Variants in STAT5A observed in about 807,000 individuals in gnomAD.
STAT5A encodes epididymis secretory sperm binding protein.
In STAT5A, 26 loss-of-function variants were observed where a neutral mutation model predicts 100.2. The ratio of observed to expected loss-of-function variants is 0.26; its 90% CI spans 0.19 to 0.36. The LOEUF (loss-of-function observed/expected upper bound fraction) is 0.36. Ranked by LOEUF, STAT5A falls within the 10% of genes least tolerant of loss-of-function variation. The pLI is 1.00. For missense variants in STAT5A, 634 were observed against 1,027.5 expected, an observed-to-expected ratio of 0.62 and a Z score of 5.24; for synonymous variants, 330 against 424.3, an observed-to-expected ratio of 0.78 and a Z score of 2.73.
rs1300485301 is a variant in STAT5A, at chr17:42,295,674, T to A, written c.431T>A (p.Ile144Asn). 2 of 1,613,956 alleles carry A rather than the reference T, an allele frequency of 1.2e-6. No individual in the cohort carries two copies. Among genetic ancestry groups the A allele is most frequent in the Non-Finnish European group, 1.7e-6 (2 of 1,179,964 alleles). The change falls in exon 5 of 19, where the codon ATC (isoleucine) becomes AAC (asparagine). Residue 144 changes from isoleucine (I) to asparagine (N), a missense_variant. By Grantham distance (149) the Ile-to-Asn change is moderately radical (BLOSUM62 -3). Coordinates refer to ENST00000590949, the MANE Select transcript of STAT5A (RefSeq NM_001288718.2). ...VDAMSQKHLQ[I>N]NQTFEELRLV... Reference sequence around the variant, plus strand: ...GCCATGTCCCAGAAGCACCTTCAGATCAACCAGACATTTGAGGAGCTGCGA... The same window carrying A: ...GCCATGTCCCAGAAGCACCTTCAGAACAACCAGACATTTGAGGAGCTGCGA...
At chr17:42,302,611 A>C (rs1163522065) in intron 9 of STAT5A, among the ~76,000 whole-genome samples, 1 of 152,222 alleles carries the variant, frequency 6.6e-6, no homozygotes, top group Non-Finnish European at 1.5e-5. Flanking sequence ...TGTGGAAGAC[A>C]TGGCCCCATC....
intron 4 of STAT5A, among the ~76,000 whole-genome samples, chr17:42,292,628 AC>A (rs1230664965): frequency 7.4e-6 from 1 of 134,922 alleles, no homozygotes; most frequent in African/African-American, 2.8e-5. Context: ...CTTGGCGCCT[AC>A]TGTTTTTTCC....
chr17:42,295,569 C>G, intron 4 of STAT5A, 50 bp from the exon 5 acceptor site: 1 of 1,579,276 alleles, frequency 6.3e-7, no homozygotes, highest in Non-Finnish European at 8.6e-7. Context: ...TGCCTGTGGT[C>G]TTCTCCCATC....
chr17:42,290,923 G>C (rs142543856), intron 3 of STAT5A, among the ~76,000 whole-genome samples: 1 of 152,298 alleles, frequency 6.6e-6, no homozygotes, highest in East Asian at 1.9e-4. Flanking sequence ...CCATGGACCG[G>C]GATTGGGCAG....
In STAT5A at chr17:42,309,453, C is replaced by A; in HGVS notation, c.2191C>A (p.Pro731Thr). 1 of 1,613,992 alleles carries A rather than the reference C, an allele frequency of 6.2e-7. No individual in the cohort carries two copies. The highest frequency in any genetic ancestry group is 8.5e-7 in the Non-Finnish European group (1 of 1,179,982). The change falls in exon 18 of 19, where the codon CCC becomes ACC. Residue 731 changes from proline to threonine, a missense_variant. Pro to Thr is a conservative substitution (Grantham distance 38). Around this residue, in one of 5 missense-constraint regions of STAT5A, gnomAD observed 88 missense variants for 95.1 expected, o/e 0.92. Transcript: ENST00000590949. The part of the protein sequence containing the change: ...MDQAPSPAVC[P>T]QAPYNMYPQN... ...CCAGGCCCCCTCCCCAGCTGTGTGCCCCCAGGCTCCCTATAACATGTACCC... is the reference window on the plus strand; with the variant it reads ...CCAGGCCCCCTCCCCAGCTGTGTGCACCCAGGCTCCCTATAACATGTACCC...
chr17:42,287,841 C>T (rs185420143), upstream of STAT5A: 1 of 152,322 alleles, frequency 6.6e-6, no homozygotes, highest in African/African-American at 2.4e-5. Flanking sequence ...AAGATTCTTT[C>T]CAGTTCCTCC....
chr17:42,301,123 C>T, intron 8 of STAT5A, 152 bp from the exon 9 acceptor site: 1 of 1,384,408 alleles, frequency 7.2e-7, no homozygotes, highest in African/African-American at 1.4e-5. Context: ...TCTCCCTGGA[C>T]TCTCACAGCT....
At chr17:42,299,382 C>A (rs2080952255) in intron 5 of STAT5A, among the ~76,000 whole-genome samples, 1 of 152,218 alleles carries the variant, frequency 6.6e-6, no homozygotes, top group African/African-American at 2.4e-5. Flanking sequence ...CCCAGGTTCA[C>A]CTGCAGTCAA....
intron 4 of STAT5A, among the ~76,000 whole-genome samples, chr17:42,293,464 C>T (rs1049460654): frequency 1.2e-4 from 18 of 152,220 alleles, no homozygotes; most frequent in African/African-American, 3.6e-4. Context: ...CTCGGCCTCC[C>T]GAAGTGCTGG....
At position 42,307,855 on chromosome 17, in the gene STAT5A, G is replaced by A; in HGVS notation, c.1906+132G>A. 3 of 1,324,620 alleles carry A rather than the reference G, an allele frequency of 2.3e-6. No homozygotes were observed. In the South Asian group the frequency reaches 4.4e-5, roughly 19 times the overall value. The allele number at this position is 1,324,620 out of a possible 1,614,324, so 82.1% of individuals were successfully genotyped here. ...GGGAAGCTTAGTATGAGAGGGCTGT[G>A]GCTTGGAAATGTATTCTCTTTCTAT... On this transcript the variant is annotated intron_variant, in intron 15 of 18. Coordinates refer to ENST00000590949, the MANE Select transcript of STAT5A (RefSeq NM_001288718.2).
At chr17:42,296,960 A>G (rs117941719) in intron 5 of STAT5A, among the ~76,000 whole-genome samples, 7,317 of 150,866 alleles carry the variant, frequency 0.049, 208 homozygotes, top group Non-Finnish European at 0.064. Context: ...TTGTTTGTTT[A>G]TTTATTATTG....
At chr17:42,292,435 TCTC>T (rs1469391233) in intron 4 of STAT5A, among the ~76,000 whole-genome samples, 3 of 151,866 alleles carry the variant, frequency 2.0e-5, no homozygotes, top group African/African-American at 7.3e-5. Context: ...TTCACACCAT[TCTC>T]CTGCCTCAGC....
intron 12 of STAT5A, chr17:42,306,024 T>C (rs542717224): frequency 6.6e-6 from 5 of 759,560 alleles, no homozygotes; most frequent in Non-Finnish European, 8.4e-6. Context: ...TGTCCCTGCA[T>C]GCCCCCACCC....
At chr17:42,300,643 G>A (rs569753879) in intron 7 of STAT5A, 72 bp from the exon 8 acceptor site, 1 of 1,612,812 alleles carries the variant, frequency 6.2e-7, no homozygotes, top group African/African-American at 1.3e-5. Flanking sequence ...GGGAACGGGA[G>A]CTGTGTCTTG....
At chr17:42,307,960 G>T (rs552660757) in intron 15 of STAT5A, among the ~76,000 whole-genome samples, 1 of 152,144 alleles carries the variant, frequency 6.6e-6, no homozygotes, top group Admixed American at 6.5e-5. Context: ...GCAGTTTCAC[G>T]CTCTCCCCTC....
intron 5 of STAT5A, among the ~76,000 whole-genome samples, chr17:42,298,684 G>T (rs1236788502): frequency 1.3e-5 from 2 of 151,504 alleles, no homozygotes; most frequent in Non-Finnish European, 2.9e-5. Flanking sequence ...TGTTAGCCAG[G>T]ATGGTCTCTA....
chr17:42,290,184 C>T, intron 3 of STAT5A, 162 bp downstream of exon 3: 1 of 1,088,752 alleles, frequency 9.2e-7, no homozygotes, highest in Non-Finnish European at 1.2e-6. Flanking sequence ...CTAAATTCGA[C>T]CTGTCGGATT....
chr17:42,290,743 C>G (rs576680434), intron 3 of STAT5A, among the ~76,000 whole-genome samples: 36 of 152,282 alleles, frequency 2.4e-4, no homozygotes, highest in African/African-American at 7.2e-4. Flanking sequence ...GTCATCTGCT[C>G]TCTCACTTGG....
rs755833449 is a variant in STAT5A at position 42,308,158 on chromosome 17, T to C, written c.1907-20T>C. On this transcript the variant is annotated intron_variant, in intron 15 of 18. Transcript: ENST00000590949. This position sits in a 1 kb window ranked among gnomAD's most constrained non-coding sequence, Gnocchi z 4.6. ...TCCTGCTGCTGGTGGATTATGGGAA[T>C]GAGGCTGTTCTTTTCACAGCGGAAC... 42 of 1,611,810 alleles carry C rather than the reference T, an allele frequency of 2.6e-5. No individual in the cohort carries two copies. Among genetic ancestry groups the C allele is most frequent in the Non-Finnish European group, 3.1e-5 (37 of 1,178,254 alleles).
Sources: gnomAD v4.1 joint callset for allele counts (sites outside exome capture counted in the v4.1 genomes callset) on GRCh38, gnomAD v4.1.1 for gene constraint, gnomAD v4.1.1 regional missense constraint, Gnocchi (gnomAD v3.1) non-coding constraint, MANE v1.5 for transcripts, NCBI Gene and HGNC (gene_info 2026-07-23, HGNC 2026-07-21) for gene names.